Variants in GRAMD4 observed in about 807,000 individuals in gnomAD.
The protein encoded by GRAMD4 is GRAM domain containing 4.
A neutral mutation model predicts 83.9 loss-of-function variants in GRAMD4; 25 were observed. The observed-to-expected ratio is 0.30, with a 90% CI of 0.22 to 0.42. The LOEUF (loss-of-function observed/expected upper bound fraction) is 0.42, where lower values mean the gene tolerates loss of function less well. GRAMD4 is among the 10% of genes least tolerant of loss of function. GRAMD4 has a pLI of 1.00. For missense variants in GRAMD4, 593 were observed against 788.7 expected (o/e 0.75, Z 2.97); for synonymous variants, 336 against 320.9 (o/e 1.05, Z -0.50).
chr22:46,579,149 C>T (rs747816286), intron 1 of GRAMD4, among the ~76,000 whole-genome samples: 1 of 152,240 alleles, frequency 6.6e-6, no homozygotes, highest in Non-Finnish European at 1.5e-5. Context: ...CCACATAGCC[C>T]TGGGAGGCTG....
chr22:46,661,241 A>G (rs1317441566), intron 4 of GRAMD4, 140 bp from the exon 5 acceptor site: 15 of 637,234 alleles, frequency 2.4e-5, no homozygotes, highest in Admixed American at 2.3e-4. Flanking sequence ...GCATTTCAGC[A>G]GTGGAGACTC....
intron 1 of GRAMD4, among the ~76,000 whole-genome samples, chr22:46,593,326 C>T (rs551706226): frequency 5.3e-5 from 8 of 152,194 alleles, no homozygotes; most frequent in African/African-American, 1.9e-4. Flanking sequence ...GCCCTTGTTG[C>T]AGGCGGTCTT....
chr22:46,635,632 T>A (rs1317474795), intron 2 of GRAMD4, among the ~76,000 whole-genome samples: 1 of 99,054 alleles, frequency 1.0e-5, no homozygotes, highest in South Asian at 3.6e-4. Flanking sequence ...ACTCCTGTCC[T>A]GGGGGACCGT....
intron 2 of GRAMD4, among the ~76,000 whole-genome samples, chr22:46,627,690 CCT>C (rs2081688899): frequency 6.6e-6 from 1 of 152,242 alleles, no homozygotes; most frequent in South Asian, 2.1e-4. Flanking sequence ...TCCTCCAGCC[CCT>C]GAGCCAGGTC....
chr22:46,603,219 T>C (rs2081329389), intron 1 of GRAMD4, among the ~76,000 whole-genome samples: 1 of 143,230 alleles, frequency 7.0e-6, no homozygotes, highest in Non-Finnish European at 1.5e-5. Context: ...TTTTTTTTTT[T>C]TTTTTTGAGA....
chr22:46,648,511 G>A (rs117574443), intron 3 of GRAMD4, among the ~76,000 whole-genome samples: 179 of 151,286 alleles, frequency 1.2e-3, no homozygotes, highest in Non-Finnish European at 1.9e-3. Flanking sequence ...ATGGATGGGT[G>A]AGTAGATAGA....
chr22:46,608,019 C>A (rs1261094809), intron 1 of GRAMD4, among the ~76,000 whole-genome samples: 1 of 152,218 alleles, frequency 6.6e-6, no homozygotes, highest in Non-Finnish European at 1.5e-5. Flanking sequence ...GGCCTCGCCT[C>A]CTCTGTATCC....
At chr22:46,629,467 G>A (rs752182288) in intron 2 of GRAMD4, among the ~76,000 whole-genome samples, 7 of 152,118 alleles carry the variant, frequency 4.6e-5, no homozygotes, top group Non-Finnish European at 8.8e-5. Flanking sequence ...CCTGTAGCAC[G>A]TTGACACTGC....
At chr22:46,656,256 G>A (rs1374069495) in intron 3 of GRAMD4, among the ~76,000 whole-genome samples, 1 of 152,248 alleles carries the variant, frequency 6.6e-6, no homozygotes, top group East Asian at 1.9e-4. Context: ...TTTTCTCTCT[G>A]GTTAGTAACA....
At chr22:46,581,415 G>A (rs968342018) in intron 1 of GRAMD4, among the ~76,000 whole-genome samples, 39 of 152,224 alleles carry the variant, frequency 2.6e-4, no homozygotes, top group Admixed American at 2.0e-3. Context: ...TCCCCAGTTC[G>A]TTCCCGAGCA....
intron 2 of GRAMD4, among the ~76,000 whole-genome samples, chr22:46,633,148 C>T (rs1455385399): frequency 6.6e-6 from 1 of 152,200 alleles, no homozygotes; most frequent in African/African-American, 2.4e-5. Context: ...ACTGTTTTCC[C>T]CAGGCCTCCC....
rs2081145401 is a variant in GRAMD4, at chr22:46,585,925, CT to C, written c.-50+8636del. On this transcript the variant is annotated intron_variant, in intron 1 of 1. Transcript: ENST00000431155. ...CAACCAGCATGTGCCTGCGGCTCCT[CT>C]GGGGCTAGGACTGAGGTTCAGCCAC... Among the ~76,000 whole-genome samples, 3 of 152,310 alleles carry C rather than the reference CT, an allele frequency of 2.0e-5. No homozygotes were observed. In the South Asian group the frequency reaches 6.2e-4, roughly 32 times the overall value.
rs1408487316 is a variant in GRAMD4, at chr22:46,672,689, AG to A, written c.1085-151del. Among the ~76,000 whole-genome samples the A allele has an allele frequency of 6.6e-6, 1 of 151,964 alleles. No homozygotes were observed. Among genetic ancestry groups the A allele is most frequent in the Admixed American group, 6.5e-5 (1 of 15,270 alleles). On this transcript the variant is annotated intron_variant, in intron 13 of 18. Coordinates refer to ENST00000406902, the MANE Select transcript of GRAMD4 (RefSeq NM_015124.5). The surrounding 1 kb of genome is among the most constrained non-coding windows in gnomAD (Gnocchi z 4.7). Reference sequence around the variant, plus strand: ...CAGGGGAGCGAGGCTGGGGGTATCCAGGGTGAGGACTGAGCGAGCAGCTGGA... The same window carrying A: ...CAGGGGAGCGAGGCTGGGGGTATCCAGGTGAGGACTGAGCGAGCAGCTGGA...
At chr22:46,592,720 A>G (rs926806991) in intron 1 of GRAMD4, among the ~76,000 whole-genome samples, 1 of 152,164 alleles carries the variant, frequency 6.6e-6, no homozygotes, top group Admixed American at 6.5e-5. Flanking sequence ...TAAAAACCCC[A>G]GTGTCGGCTG....
chr22:46,668,550 G>A (rs908564535), intron 11 of GRAMD4, 139 bp from the exon 12 acceptor site: 15 of 823,154 alleles, frequency 1.8e-5, no homozygotes, highest in Middle Eastern at 4.8e-4. Flanking sequence ...GGCCTTCCCC[G>A]GCCTAGGAGC....
intron 1 of GRAMD4, among the ~76,000 whole-genome samples, chr22:46,591,896 CAGTT>C (rs1278398987): frequency 1.4e-5 from 2 of 144,588 alleles, no homozygotes; most frequent in East Asian, 2.0e-4. Flanking sequence ...CCGCACCCCT[CAGTT>C]AGCCATGCCC....
intron 1 of GRAMD4, among the ~76,000 whole-genome samples, chr22:46,581,218 G>A (rs1464532316): frequency 1.3e-5 from 2 of 152,188 alleles, no homozygotes; most frequent in African/African-American, 2.4e-5. Flanking sequence ...GGTTACACAG[G>A]AAAGGCAGGA....
chr22:46,604,236 A>G (rs73461268), intron 1 of GRAMD4, among the ~76,000 whole-genome samples: 1,574 of 152,136 alleles, frequency 0.01, 28 homozygotes, highest in African/African-American at 0.036. Context: ...TTTCCTGGCT[A>G]TTTGGCTTGT....
Position 46,678,521 on chromosome 22 carries a change from G to A in GRAMD4, c.*1270G>A, listed in dbSNP as rs1283432906. The A allele has an allele frequency of 1.0e-5, 10 of 985,376 alleles. No homozygotes were observed. Among genetic ancestry groups the A allele is most frequent in the African/African-American group, 7.0e-5 (4 of 57,340 alleles). The allele number at this position is 985,376 out of a possible 1,614,324, so 61.0% of individuals were successfully genotyped here. A position where few individuals can be genotyped will look rare whatever the true frequency, so the allele number is the denominator to read the frequency against. Reference sequence around the variant, plus strand: ...CGCTGGGCTGAAGGGAGGGAAAGGCGGCTTGGGCCTCCTGGAAGGAGGTGG... The same window carrying A: ...CGCTGGGCTGAAGGGAGGGAAAGGCAGCTTGGGCCTCCTGGAAGGAGGTGG... On this transcript the variant is annotated 3_prime_UTR_variant, in exon 19 of 19. Transcript: ENST00000406902.
Sources: gnomAD v4.1 joint callset for allele counts (sites outside exome capture counted in the v4.1 genomes callset) on GRCh38, gnomAD v4.1.1 for gene constraint, Gnocchi (gnomAD v3.1) non-coding constraint, MANE v1.5 for transcripts, NCBI Gene and HGNC (gene_info 2026-07-23, HGNC 2026-07-21) for gene names.